The following PTPRD variants were observed in gnomAD, a reference collection of about 807,000 sequenced individuals.
The protein encoded by PTPRD is protein tyrosine phosphatase receptor type D.
In PTPRD, 34 loss-of-function variants were observed where a neutral mutation model predicts 214.5. The observed-to-expected ratio is 0.16, with a 90% CI of 0.12 to 0.21. PTPRD has a LOEUF of 0.21. Ranked by LOEUF, PTPRD falls within the 10% of genes least tolerant of loss-of-function variation. The pLI, the probability that PTPRD is intolerant of heterozygous loss-of-function variation, is 1.00. For missense variants in PTPRD, 2,545 were observed against 2,398.7 expected, an observed-to-expected ratio of 1.06 and a Z score of -1.27; for synonymous variants, 1,128 against 845.7, an observed-to-expected ratio of 1.33 and a Z score of -5.79.
chr9:9,806,322 G>A (rs1305254749), intron 5 of PTPRD, among the ~76,000 whole-genome samples: 3 of 152,070 alleles, frequency 2.0e-5, no homozygotes. Flanking sequence ...TGAAGCTGGT[G>A]GTGATTTTAA....
intron 14 of PTPRD, among the ~76,000 whole-genome samples, chr9:8,618,898 T>C (rs13295130): frequency 1.7e-5 from 2 of 117,032 alleles, no homozygotes; most frequent in African/African-American, 6.3e-5. Context: ...GTGTGTGTGT[T>C]TGTCTGTGTT....
At chr9:8,591,115 A>G (rs532558560) in intron 14 of PTPRD, among the ~76,000 whole-genome samples, 2 of 152,266 alleles carry the variant, frequency 1.3e-5, no homozygotes, top group African/African-American at 4.8e-5. Context: ...CTCTGCCTCC[A>G]ATTTAAAGAC....
At chr9:8,473,453 C>A (rs1055493758) in intron 30 of PTPRD, among the ~76,000 whole-genome samples, 1 of 152,136 alleles carries the variant, frequency 6.6e-6, no homozygotes, top group African/African-American at 2.4e-5. Context: ...TGCAACTGAG[C>A]GTACAAAATC....
chr9:10,301,252 C>G (rs900948886), intron 3 of PTPRD, among the ~76,000 whole-genome samples: 1 of 151,992 alleles, frequency 6.6e-6, no homozygotes, highest in African/African-American at 2.4e-5. Flanking sequence ...ACTCAGAGAC[C>G]CCATCCGAAG....
chr9:8,392,352 C>G (rs1297020573), intron 36 of PTPRD, among the ~76,000 whole-genome samples: 1 of 151,896 alleles, frequency 6.6e-6, no homozygotes, highest in Non-Finnish European at 1.5e-5. Flanking sequence ...GCAAAGAGAC[C>G]CTGTCTCTAC....
intron 39 of PTPRD, among the ~76,000 whole-genome samples, chr9:8,349,855 C>G (rs544285453): frequency 2.5e-4 from 38 of 151,792 alleles, no homozygotes; most frequent in African/African-American, 8.5e-4. Flanking sequence ...GACAACTATT[C>G]CACTAATGAG....
chr9:10,274,162 A>C (rs967289665), intron 3 of PTPRD, among the ~76,000 whole-genome samples: 5 of 152,166 alleles, frequency 3.3e-5, no homozygotes, highest in Admixed American at 2.0e-4. Context: ...TACAGGGAAA[A>C]CATGGAACAA....
At chr9:8,761,253 A>G (rs916257184) in intron 11 of PTPRD, among the ~76,000 whole-genome samples, 102 of 152,364 alleles carry the variant, frequency 6.7e-4, no homozygotes, top group African/African-American at 2.4e-3. Flanking sequence ...GGGGACAGAA[A>G]ATAGAAGTTT....
At position 9,129,811 on chromosome 9, in the gene PTPRD, C is replaced by T. The variant is rs1592108693; in HGVS notation, c.-143+53493G>A. Among the ~76,000 whole-genome samples, 4 of 152,120 alleles carry T rather than the reference C, an allele frequency of 2.6e-5. No homozygotes were observed. In the South Asian group the frequency reaches 8.3e-4, roughly 32 times the overall value. ...ATTTGTCCAACCAGAAAATATTTAC[C>T]ATGGATTTATTTATACTCAAGGCAT... is the stretch of plus-strand genomic sequence containing the variant. On this transcript the variant is annotated intron_variant, in intron 10 of 45. Coordinates refer to ENST00000381196, the MANE Select transcript of PTPRD (RefSeq NM_002839.4).
intron 2 of PTPRD, among the ~76,000 whole-genome samples, chr9:10,566,014 G>C (rs886216830): frequency 6.6e-6 from 1 of 151,664 alleles, no homozygotes; most frequent in East Asian, 1.9e-4. Context: ...GTCTATTTTT[G>C]AGTTTTATGT....
intron 3 of PTPRD, among the ~76,000 whole-genome samples, chr9:10,207,002 A>G (rs768484825): frequency 6.6e-6 from 1 of 152,192 alleles, no homozygotes; most frequent in African/African-American, 2.4e-5. Context: ...TCAAATGTAT[A>G]CAGAGGGAAA....
intron 3 of PTPRD, among the ~76,000 whole-genome samples, chr9:10,335,213 T>G (rs2154437937): frequency 6.6e-6 from 1 of 151,816 alleles, no homozygotes; most frequent in East Asian, 1.9e-4. Flanking sequence ...TACTCAAGAC[T>G]GTGTGGTACT....
intron 35 of PTPRD, among the ~76,000 whole-genome samples, chr9:8,407,265 A>G (rs1243356849): frequency 6.6e-6 from 1 of 152,208 alleles, no homozygotes; most frequent in Non-Finnish European, 1.5e-5. Flanking sequence ...CTTTATATGA[A>G]GAATTATGCT....
intron 11 of PTPRD, among the ~76,000 whole-genome samples, chr9:8,859,318 CCCAAG>C (rs1566673476): frequency 6.6e-6 from 1 of 152,204 alleles, no homozygotes; most frequent in African/African-American, 2.4e-5. Flanking sequence ...ATCCACACAA[CCCAAG>C]GTGACTAAGG....
At chr9:10,331,343 G>C (rs920140149) in intron 3 of PTPRD, among the ~76,000 whole-genome samples, 5 of 151,928 alleles carry the variant, frequency 3.3e-5, no homozygotes, top group Middle Eastern at 3.4e-3. Context: ...ATTAATAGAA[G>C]CTTGTCTAGC....
chr9:9,669,342 G>A (rs988038367), intron 7 of PTPRD, among the ~76,000 whole-genome samples: 1 of 152,120 alleles, frequency 6.6e-6, no homozygotes, highest in African/African-American at 2.4e-5. Flanking sequence ...TTCCTGATTG[G>A]TATGGAATTA....
intron 3 of PTPRD, among the ~76,000 whole-genome samples, chr9:10,259,970 C>A (rs984311277): frequency 6.6e-6 from 1 of 152,204 alleles, no homozygotes; most frequent in African/African-American, 2.4e-5. Flanking sequence ...CACAGTGGAG[C>A]TGAGTTCATC....
chr9:10,017,510 T>C (rs1322487241), intron 4 of PTPRD, among the ~76,000 whole-genome samples: 2 of 152,140 alleles, frequency 1.3e-5, no homozygotes, highest in Admixed American at 1.3e-4. Flanking sequence ...ATCCTCCACA[T>C]CTTAACTATA....
intron 2 of PTPRD, among the ~76,000 whole-genome samples, chr9:10,416,255 G>T (rs2098486464): frequency 6.6e-6 from 1 of 151,894 alleles, no homozygotes; most frequent in East Asian, 2.0e-4. Flanking sequence ...CTACTCAGGA[G>T]GCTGAGGCAG....
Sources: gnomAD v4.1 joint callset for allele counts (sites outside exome capture counted in the v4.1 genomes callset) on GRCh38, gnomAD v4.1.1 for gene constraint, MANE v1.5 for transcripts, NCBI Gene and HGNC (gene_info 2026-07-23, HGNC 2026-07-21) for gene names.